MYO1D: variants seen among roughly 807,000 people sequenced by gnomAD.
MYO1D encodes myosin ID, also known as unconventional myosin-Id.
Under a neutral mutation model 122.0 loss-of-function variants are expected in MYO1D, and 83 were observed. That is an observed-to-expected ratio of 0.68 (90% CI 0.57 to 0.82). MYO1D has a LOEUF of 0.82. MYO1D is among the 40% of genes least tolerant of loss of function. MYO1D has a pLI of 0.00. For missense variants in MYO1D, 1,157 were observed against 1,269.5 expected, an observed-to-expected ratio of 0.91 and a Z score of 1.35; for synonymous variants, 464 against 446.9, an observed-to-expected ratio of 1.04 and a Z score of -0.48.
chr17:32,591,538 C>T (rs972491718), intron 21 of MYO1D, among the ~76,000 whole-genome samples: 4 of 152,066 alleles, frequency 2.6e-5, no homozygotes, highest in African/African-American at 7.2e-5. Context: ...CTCTCCATTC[C>T]TTCTTTACCC....
intron 1 of MYO1D, among the ~76,000 whole-genome samples, chr17:32,809,964 T>C (rs2090555117): frequency 6.6e-6 from 1 of 152,148 alleles, no homozygotes; most frequent in South Asian, 2.1e-4. Flanking sequence ...GCTTCCTCTA[T>C]ACCTAAAGGC....
At chr17:32,860,536 G>T (rs979669863) in intron 1 of MYO1D, among the ~76,000 whole-genome samples, 1 of 152,156 alleles carries the variant, frequency 6.6e-6, no homozygotes, top group African/African-American at 2.4e-5. Flanking sequence ...TTGTTAAATT[G>T]TTGCCCTTCA....
intron 14 of MYO1D, among the ~76,000 whole-genome samples, chr17:32,724,782 CACCT>C (rs150984976): frequency 0.013 from 1,929 of 152,308 alleles, 42 homozygotes; most frequent in African/African-American, 0.044. Flanking sequence ...AGCTTTGAAT[CACCT>C]AAGTCCTTGA....
intron 21 of MYO1D, among the ~76,000 whole-genome samples, chr17:32,559,886 ACT>A: frequency 6.6e-6 from 1 of 152,288 alleles, no homozygotes; most frequent in Middle Eastern, 3.4e-3. Flanking sequence ...CTTCAGTGTC[ACT>A]GTCTGTATTT....
intron 16 of MYO1D, among the ~76,000 whole-genome samples, chr17:32,692,949 GA>G (rs2089123057): frequency 1.3e-5 from 2 of 152,266 alleles, no homozygotes; most frequent in African/African-American, 4.8e-5. Flanking sequence ...TGGCAAGGAA[GA>G]AAAAAATAAT....
Position 32,837,981 on chromosome 17 carries a change from A to G in MYO1D, c.95+38797T>C, listed in dbSNP as rs968871469. 8.8e-5 allele frequency among the ~76,000 whole-genome samples: 13 copies of G among 148,296 alleles called. No individual in the cohort carries two copies. The South Asian group carries it at 1.9e-3, about 22-fold the overall frequency. ...CTTTTCTTTTCATATAATACTTTAC[A>G]ACATTTTTATTTTTATATTTACTGC... On this transcript the variant is annotated intron_variant, in intron 1 of 21. Transcript: ENST00000318217.
chr17:32,841,374 G>A (rs1318988409), intron 1 of MYO1D, among the ~76,000 whole-genome samples: 1 of 151,930 alleles, frequency 6.6e-6, no homozygotes, highest in East Asian at 1.9e-4. Flanking sequence ...GCTGAGGTGA[G>A]AGAATCACTT....
At chr17:32,785,955 C>T (rs1363402375) in intron 1 of MYO1D, among the ~76,000 whole-genome samples, 2 of 152,080 alleles carry the variant, frequency 1.3e-5, no homozygotes, top group Non-Finnish European at 2.9e-5. Context: ...ACATCGCCTA[C>T]AATGAAACAA....
chr17:32,765,227 TCTA>T (rs1234359966), intron 7 of MYO1D, 146 bp from the exon 8 acceptor site: 1 of 669,724 alleles, frequency 1.5e-6, no homozygotes, highest in Non-Finnish European at 2.5e-6. Context: ...CAGTGTTTCA[TCTA>T]CTTTTTCCCT....
chr17:32,866,036 G>A (rs917790487), intron 1 of MYO1D, among the ~76,000 whole-genome samples: 1 of 152,082 alleles, frequency 6.6e-6, no homozygotes, highest in Non-Finnish European at 1.5e-5. Context: ...TTTTTTTACA[G>A]ACAAGGTATC....
At chr17:32,785,002 C>T (rs898588273) in intron 1 of MYO1D, among the ~76,000 whole-genome samples, 1 of 151,950 alleles carries the variant, frequency 6.6e-6, no homozygotes, top group Non-Finnish European at 1.5e-5. Flanking sequence ...TGACTGGAAA[C>T]AAGGAATCAG....
At position 32,766,922 on chromosome 17, in the gene MYO1D, T is replaced by C. The variant is rs141475431; in HGVS notation, c.831+714A>G. Among the ~76,000 whole-genome samples the C allele has an allele frequency of 5.3e-5, 8 of 152,288 alleles. No homozygotes were observed. The East Asian group carries it at 1.5e-3, about 29-fold the overall frequency. Reference sequence around the variant, plus strand: ...ACTAAAGTCTTCCTAGTCAGGAACATTTATTGTTTATATTGCTATATAATA... The same window carrying C: ...ACTAAAGTCTTCCTAGTCAGGAACACTTATTGTTTATATTGCTATATAATA... On this transcript the variant is annotated intron_variant, in intron 7 of 21. Transcript: ENST00000318217.
chr17:32,748,802 A>T, intron 12 of MYO1D, 134 bp downstream of exon 12: 1 of 838,908 alleles, frequency 1.2e-6, no homozygotes, highest in Admixed American at 2.2e-5. Flanking sequence ...AAGTTGAACA[A>T]ATTAAAATAT....
intron 21 of MYO1D, among the ~76,000 whole-genome samples, chr17:32,570,356 AC>A (rs1478248983): frequency 6.6e-6 from 1 of 152,070 alleles, no homozygotes; most frequent in Non-Finnish European, 1.5e-5. Flanking sequence ...AGCCAAGGTT[AC>A]CACATTAAAA....
intron 21 of MYO1D, chr17:32,505,397 G>C (rs948977490): frequency 6.6e-6 from 1 of 152,386 alleles, no homozygotes; most frequent in Non-Finnish European, 1.5e-5. Context: ...GAGGTGACAG[G>C]AAAGAAAGGA....
chr17:32,725,817 A>G (rs1195960054), intron 14 of MYO1D, among the ~76,000 whole-genome samples: 1 of 152,148 alleles, frequency 6.6e-6, no homozygotes, highest in African/African-American at 2.4e-5. Flanking sequence ...TAAGCACATC[A>G]TAGTGAAACT....
At chr17:32,593,664 G>A (rs1053550221) in intron 21 of MYO1D, among the ~76,000 whole-genome samples, 68 of 152,192 alleles carry the variant, frequency 4.5e-4, no homozygotes, top group African/African-American at 3.9e-4. Context: ...TTGGCTGGGC[G>A]TTGGGGCTCA....
chr17:32,505,807 A>G (rs1909483925), intron 21 of MYO1D, among the ~76,000 whole-genome samples: 1 of 152,248 alleles, frequency 6.6e-6, no homozygotes, highest in South Asian at 2.1e-4. Flanking sequence ...CTTGCAAAAG[A>G]ACATCTAATG....
chr17:32,533,540 G>A (rs1026974497), intron 21 of MYO1D, among the ~76,000 whole-genome samples: 12 of 152,034 alleles, frequency 7.9e-5, no homozygotes, highest in Admixed American at 2.6e-4. Context: ...TAAAGCACAC[G>A]TCTCTAAGCC....
Sources: gnomAD v4.1 joint callset for allele counts (sites outside exome capture counted in the v4.1 genomes callset) on GRCh38, gnomAD v4.1.1 for gene constraint, MANE v1.5 for transcripts, NCBI Gene and HGNC (gene_info 2026-07-23, HGNC 2026-07-21) for gene names.